The following TMEM230 variants were observed in gnomAD, a reference collection of about 807,000 sequenced individuals.
TMEM230 encodes the protein transmembrane protein 230.
Under a neutral mutation model 15.8 loss-of-function variants are expected in TMEM230, and 10 were observed. The ratio of observed to expected loss-of-function variants is 0.63; its 90% confidence interval spans 0.39 to 1.07. The LOEUF (loss-of-function observed/expected upper bound fraction) is 1.07, where lower values mean the gene tolerates loss of function less well. TMEM230 is among the 50% of genes least tolerant of loss of function. The pLI is 0.01. For synonymous variants in TMEM230, 67 were observed against 76.9 expected (o/e 0.87, Z 0.68); for missense variants, 165 against 193.3 (o/e 0.85, Z 0.87).
Position 5,100,852 on chromosome 20 carries a change from T to C in TMEM230, c.491A>G (p.Tyr164Cys). 1 of 1,614,174 alleles carries C rather than the reference T, an allele frequency of 6.2e-7. No homozygotes were observed. Among genetic ancestry groups the C allele is most frequent in the Non-Finnish European group, 8.5e-7 (1 of 1,180,018 alleles). ...ACCACGGTAGCCTTTGGATGCATAG[T>C]AAGCGATGCGCAGGTGGTAAAATCC... The change falls in exon 5 of 5, where the codon TAC (tyrosine) becomes TGC (cysteine). Residue 164 changes from tyrosine to cysteine, a missense_variant. Physicochemically the swap from Tyr to Cys is radical, Grantham distance 194 (BLOSUM62 -2). Coordinates refer to ENST00000342308, the MANE Select transcript of TMEM230 (RefSeq NM_001009923.2).
At chr20:5,097,990 T>TG (rs1291493617), downstream of TMEM230, among the ~76,000 whole-genome samples, 1 of 143,802 alleles carries the variant, frequency 7.0e-6, no homozygotes, top group Non-Finnish European at 1.5e-5. Context: ...TTTTTTTTTT[T>TG]TTTTTGAGAC....
chr20:5,065,500 C>G, downstream of TMEM230, among the ~76,000 whole-genome samples: 1 of 152,188 alleles, frequency 6.6e-6, no homozygotes, highest in Non-Finnish European at 1.5e-5. Context: ...CAAAGTCCCT[C>G]TAATGATCTC....
intron 3 of TMEM230, among the ~76,000 whole-genome samples, chr20:5,080,219 ATC>A (rs1469579706): frequency 2.6e-5 from 4 of 152,174 alleles, no homozygotes; most frequent in East Asian, 1.9e-4. Flanking sequence ...TTTTGAAAAA[ATC>A]TCTGTGTCCT....
chr20:5,110,237 T>G (rs143519896), intron 2 of TMEM230, among the ~76,000 whole-genome samples: 3 of 151,930 alleles, frequency 2.0e-5, no homozygotes, highest in African/African-American at 7.2e-5. Flanking sequence ...TTGTATTTTT[T>G]AAGTAACGAA....
At chr20:5,098,045 T>TTGGC (rs1390649233), downstream of TMEM230, among the ~76,000 whole-genome samples, 1 of 147,310 alleles carries the variant, frequency 6.8e-6, no homozygotes, top group African/African-American at 2.5e-5. Flanking sequence ...TGGTGCGATC[T>TTGGC]TGGCTCACCG....
the TMEM230 span, among the ~76,000 whole-genome samples, chr20:5,062,645 C>A: frequency 2.6e-5 from 4 of 152,056 alleles, no homozygotes; most frequent in Admixed American, 1.3e-4. Flanking sequence ...TGCTTGTAGT[C>A]CCAGCTACTC....
downstream of TMEM230, among the ~76,000 whole-genome samples, chr20:5,064,851 A>G (rs2088637028): frequency 6.6e-6 from 1 of 152,110 alleles, no homozygotes; most frequent in South Asian, 2.1e-4. Flanking sequence ...AAAGAAAACC[A>G]AAGTACAGAT....
chr20:5,080,688 T>C (rs1170839298), intron 3 of TMEM230, among the ~76,000 whole-genome samples: 1 of 151,922 alleles, frequency 6.6e-6, no homozygotes, highest in Non-Finnish European at 1.5e-5. Context: ...CGCCTCAGCC[T>C]CCTTAATAGC....
Position 5,102,688 on chromosome 20 carries a change from C to CAA in TMEM230, c.412-1759_412-1758dup, listed in dbSNP as rs58106156. 1.7e-3 allele frequency among the ~76,000 whole-genome samples: 144 copies of CAA among 82,694 alleles called. 1 individual carries two copies. Among genetic ancestry groups the CAA allele is most frequent in the South Asian group, 9.6e-3 (20 of 2,094 alleles). The allele number at this position is 82,694 out of a possible 152,430, so 54.3% of individuals were successfully genotyped here. A position where few individuals can be genotyped will look rare whatever the true frequency, so the allele number is the denominator to read the frequency against. On this transcript the variant is annotated intron_variant, in intron 4 of 4. Transcript: ENST00000342308. ...CTGCATGACAGATGAGACCCTGTCT[C>CAA]AAAAAAAAAAAAAAAAAAAAAGAAT... is the stretch of plus-strand genomic sequence containing the variant.
At chr20:5,068,888 G>C (rs1026873672) in exon 4 of TMEM230, 2 of 290,998 alleles carry the variant, frequency 6.9e-6, no homozygotes, top group African/African-American at 4.4e-5. Flanking sequence ...CAGTACCAAG[G>C]ATGGTATGAA....
chr20:5,112,421 T>C (rs188370592), intron 1 of TMEM230, among the ~76,000 whole-genome samples: 39 of 152,360 alleles, frequency 2.6e-4, no homozygotes, highest in Admixed American at 2.0e-4. Context: ...TAACCACATC[T>C]AACTTGCAAT....
downstream of TMEM230, among the ~76,000 whole-genome samples, chr20:5,097,263 C>T (rs752986386): frequency 1.3e-5 from 2 of 152,202 alleles, no homozygotes; most frequent in Non-Finnish European, 2.9e-5. Context: ...AACAGAAGTG[C>T]CTCTGGTATG....
intron 3 of TMEM230, among the ~76,000 whole-genome samples, chr20:5,088,030 C>T (rs1441644573): frequency 1.4e-5 from 2 of 145,814 alleles, no homozygotes; most frequent in Non-Finnish European, 3.0e-5. Context: ...GTTTCAAGGC[C>T]AAGCATGGTG....
intron 3 of TMEM230, among the ~76,000 whole-genome samples, chr20:5,088,308 C>CAAA (rs777211538): frequency 2.0e-5 from 1 of 51,096 alleles, no homozygotes; most frequent in Non-Finnish European, 4.5e-5. Flanking sequence ...GACTCTGTCT[C>CAAA]AAAAAAAAAA....
In TMEM230 at chr20:5,087,737, G is replaced by T. The variant is rs113940979; in HGVS notation, c.223-18388C>A. On this transcript the variant is annotated intron_variant, in intron 3 of 3. Coordinates refer to the TMEM230 transcript ENST00000612323. ...TTTTTTTCCTGGGACTAGAAGATTA[G>T]AATAGGAAATCCATATCACAACTCC... Among the ~76,000 whole-genome samples the T allele has an allele frequency of 1.1e-3, 129 of 120,992 alleles. 1 individual carries two copies. In the South Asian group the frequency reaches 0.015, roughly 14 times the overall value. 79.4% of individuals were successfully genotyped at this position (120,992 alleles called of 152,430 possible). A position where few individuals can be genotyped will look rare whatever the true frequency, so the allele number is the denominator to read the frequency against.
At chr20:5,059,757 C>T in the TMEM230 span, among the ~76,000 whole-genome samples, 12 of 144,298 alleles carry the variant, frequency 8.3e-5, no homozygotes, top group East Asian at 1.8e-3. Flanking sequence ...GCACCACTTC[C>T]AGCTAATTTT....
At chr20:5,061,792 C>A in the TMEM230 span, among the ~76,000 whole-genome samples, 1 of 152,104 alleles carries the variant, frequency 6.6e-6, no homozygotes, top group African/African-American at 2.4e-5. Flanking sequence ...AAAAAGACTT[C>A]ACAGGAGTAT....
chr20:5,065,033 A>G (rs1286134805), downstream of TMEM230, among the ~76,000 whole-genome samples: 3 of 152,038 alleles, frequency 2.0e-5, no homozygotes, highest in Non-Finnish European at 4.4e-5. Context: ...CCAAAAAGAT[A>G]TCTTTTTTTT....
At chr20:5,063,226 C>T in the TMEM230 span, among the ~76,000 whole-genome samples, 6 of 148,350 alleles carry the variant, frequency 4.0e-5, no homozygotes, top group East Asian at 4.1e-4. Context: ...GGGAGGACTG[C>T]ATAATCCTCC....
Sources: gnomAD v4.1 joint callset for allele counts (sites outside exome capture counted in the v4.1 genomes callset) on GRCh38, gnomAD v4.1.1 for gene constraint, MANE v1.5 for transcripts, NCBI Gene and HGNC (gene_info 2026-07-23, HGNC 2026-07-21) for gene names.